Variants in MTSS1 observed in about 807,000 individuals in gnomAD.
MTSS1 encodes the protein protein MTSS 1.
MTSS1 carries 18 observed loss-of-function variants against 79.0 expected under a neutral mutation model. The ratio of observed to expected loss-of-function variants is 0.23; its 90% CI spans 0.16 to 0.34. The LOEUF is 0.34. Among genes scored for constraint, MTSS1 ranks in the 10% least tolerant of loss-of-function variants. The pLI is 1.00. For synonymous variants in MTSS1, 341 were observed against 368.6 expected (o/e 0.93, Z 0.86); for missense variants, 815 against 986.2 (o/e 0.83, Z 2.33).
At chr8:124,670,737 G>A (rs1448859091) in intron 3 of MTSS1, among the ~76,000 whole-genome samples, 1 of 152,126 alleles carries the variant, frequency 6.6e-6, no homozygotes, top group Non-Finnish European at 1.5e-5. Context: ...AATAAAAAGA[G>A]CTCCTGGCTC....
At chr8:124,681,929 G>A (rs1826190197) in intron 3 of MTSS1, among the ~76,000 whole-genome samples, 2 of 152,120 alleles carry the variant, frequency 1.3e-5, no homozygotes, top group African/African-American at 4.8e-5. Flanking sequence ...AACGATTGAA[G>A]GCTACTATGA....
chr8:124,595,210 T>C (rs1283373501), intron 3 of MTSS1, among the ~76,000 whole-genome samples: 1 of 152,240 alleles, frequency 6.6e-6, no homozygotes, highest in Non-Finnish European at 1.5e-5. Context: ...TTAGCAAAGT[T>C]CTATATTGAT....
At chr8:124,629,569 C>CTTA (rs1304373560) in intron 3 of MTSS1, among the ~76,000 whole-genome samples, 1 of 151,262 alleles carries the variant, frequency 6.6e-6, no homozygotes, top group African/African-American at 2.4e-5. Context: ...GGATACTTAG[C>CTTA]TATAGCGGTA....
At chr8:124,600,681 C>A (rs1252822837) in intron 3 of MTSS1, among the ~76,000 whole-genome samples, 1 of 152,176 alleles carries the variant, frequency 6.6e-6, no homozygotes, top group African/African-American at 2.4e-5. Flanking sequence ...CAGATCATGA[C>A]CCCCACTCCT....
chr8:124,571,068 C>A (rs1470498642), intron 6 of MTSS1, among the ~76,000 whole-genome samples: 1 of 152,224 alleles, frequency 6.6e-6, no homozygotes, highest in African/African-American at 2.4e-5. Context: ...CCTTCAATTT[C>A]TTCCTCAAGG....
At chr8:124,663,438 C>A (rs557647892) in intron 3 of MTSS1, among the ~76,000 whole-genome samples, 2 of 152,102 alleles carry the variant, frequency 1.3e-5, no homozygotes, top group South Asian at 4.2e-4. Flanking sequence ...TTCCTCAAAT[C>A]GGAAGCCTCT....
In MTSS1 at chr8:124,601,206, G is replaced by A. The variant is rs890757248; in HGVS notation, c.209-9971C>T. On this transcript the variant is annotated intron_variant, in intron 3 of 13. Transcript: ENST00000518547. Reference sequence around the variant, plus strand: ...CACCCGAGTACCTGAGATTATAGGCGCCCACCACCATGCCTGACTAATTTT... The same window carrying A: ...CACCCGAGTACCTGAGATTATAGGCACCCACCACCATGCCTGACTAATTTT... Among the ~76,000 whole-genome samples, 5 of 151,516 alleles carry A rather than the reference G, an allele frequency of 3.3e-5. No homozygotes were observed. The East Asian group carries it at 7.8e-4, about 24-fold the overall frequency.
intron 1 of MTSS1, among the ~76,000 whole-genome samples, chr8:124,714,388 C>T (rs188611935): frequency 5.8e-4 from 88 of 152,322 alleles, no homozygotes; most frequent in South Asian, 4.8e-3. Flanking sequence ...CTTGCCCTCA[C>T]GCCCGGTTAA....
At position 124,562,902 on chromosome 8, in the gene MTSS1, G is replaced by T. The variant is rs746468108; in HGVS notation, c.915C>A (p.Asn305Lys). 1.2e-6 allele frequency: 2 copies of T among 1,614,072 alleles called. No homozygotes were observed. The highest frequency in any genetic ancestry group is 1.7e-6 in the Non-Finnish European group (2 of 1,179,968). Residue 305 changes from asparagine to lysine, a missense_variant, in exon 10 of 14, where the codon AAC becomes AAA. By Grantham distance (94) the Asn-to-Lys change is moderately conservative (BLOSUM62 0). Coordinates refer to ENST00000518547, the MANE Select transcript of MTSS1 (RefSeq NM_014751.6). ...PSSHYRYRSS[N>K]LAQQAPVRLS... ...GCCTCACAGGAGCCTGCTGGGCCAGGTTGGAGCTGCGGTAGCGGTAATGTG... is the reference window on the plus strand; with the variant it reads ...GCCTCACAGGAGCCTGCTGGGCCAGTTTGGAGCTGCGGTAGCGGTAATGTG...
chr8:124,663,832 T>C (rs1822547751), intron 3 of MTSS1, among the ~76,000 whole-genome samples: 1 of 151,942 alleles, frequency 6.6e-6, no homozygotes, highest in Non-Finnish European at 1.5e-5. Flanking sequence ...GACACACACA[T>C]AGACAGAAAG....
At position 124,568,502 on chromosome 8, in the gene MTSS1, A is replaced by G. The variant is rs1827011630; in HGVS notation, c.495T>C (p.Ala165=). ...RGDIQPQLDS[A]LQDVNDKYLL... is the part of the protein sequence containing the mutation. ...GATACTTATCATTGACATCTTGGAG[A>G]GCACTGTCCAACTGAGGCTGGATAT... The change falls in exon 7 of 14, where the codon GCT becomes GCC. Residue 165 remains alanine (A), a synonymous_variant. Transcript: ENST00000518547. 2 of 1,614,030 alleles carry G rather than the reference A, an allele frequency of 1.2e-6. No individual in the cohort carries two copies. The highest frequency in any genetic ancestry group is 1.1e-5 in the South Asian group (1 of 91,088).
chr8:124,563,352 T>G, intron 9 of MTSS1: 1 of 291,120 alleles, frequency 3.4e-6, no homozygotes, highest in African/African-American at 2.2e-5. Flanking sequence ...GGGGAGCTGA[T>G]GTCAGTAGCA....
chr8:124,687,433 A>G (rs1827166512), intron 3 of MTSS1, among the ~76,000 whole-genome samples: 1 of 152,190 alleles, frequency 6.6e-6, no homozygotes, highest in African/African-American at 2.4e-5. Flanking sequence ...CCTAATCAGC[A>G]TCCCCTTTAA....
At chr8:124,557,921 A>C in intron 10 of MTSS1, 46 bp from the exon 11 acceptor site, 1 of 1,448,150 alleles carries the variant, frequency 6.9e-7, no homozygotes, top group Non-Finnish European at 9.4e-7. Flanking sequence ...AAAAATTAAT[A>C]TAACAGGATG....
At chr8:124,718,340 A>G (rs1256150924) in intron 1 of MTSS1, among the ~76,000 whole-genome samples, 3 of 151,000 alleles carry the variant, frequency 2.0e-5, no homozygotes, top group Non-Finnish European at 4.4e-5. Flanking sequence ...AACATCAAAG[A>G]GGCCAGGTTC....
In MTSS1 at chr8:124,555,781, TTGTC is replaced by T; in HGVS notation, c.1524_1527del (p.Thr509ProfsTer22). The T allele has an allele frequency of 6.2e-7, 1 of 1,613,320 alleles. No individual in the cohort carries two copies. The highest frequency in any genetic ancestry group is 8.5e-7 in the Non-Finnish European group (1 of 1,179,702). ...GTGTCCTCAGAGCAGCAGGGGGTGG[TTGTC>T]TGGGTGCTGTAGCCGCTGGAGCACT... On this transcript the variant is annotated frameshift_variant, in exon 13 of 14. Transcript: ENST00000518547. LOFTEE classifies it high-confidence loss of function.
chr8:124,606,246 C>T (rs1320725485), intron 3 of MTSS1, among the ~76,000 whole-genome samples: 5 of 146,282 alleles, frequency 3.4e-5, no homozygotes, highest in Non-Finnish European at 7.4e-5. Flanking sequence ...GATCTTGGCT[C>T]ACTGCAACCT....
intron 3 of MTSS1, among the ~76,000 whole-genome samples, chr8:124,607,546 G>A (rs112385678): frequency 2.6e-5 from 4 of 152,118 alleles, no homozygotes; most frequent in African/African-American, 9.7e-5. Context: ...ATTCAACAGA[G>A]AAAGCAAGTA....
intron 12 of MTSS1, 62 bp from the exon 13 acceptor site, chr8:124,555,966 G>C (rs777074622): frequency 6.3e-7 from 1 of 1,585,596 alleles, no homozygotes; most frequent in Admixed American, 1.7e-5. Context: ...CAGCACTCCT[G>C]TTCTGCCCCC....
Sources: gnomAD v4.1 joint callset for allele counts (sites outside exome capture counted in the v4.1 genomes callset) on GRCh38, gnomAD v4.1.1 for gene constraint, MANE v1.5 for transcripts, NCBI Gene and HGNC (gene_info 2026-07-23, HGNC 2026-07-21) for gene names.